WDFY3: variants seen among roughly 807,000 people sequenced by gnomAD.
WDFY3 encodes WD repeat and FYVE domain-containing protein 3.
WDFY3 carries 66 observed loss-of-function variants against 409.6 expected under a neutral mutation model. That is an observed-to-expected ratio of 0.16 (90% CI 0.13 to 0.20). WDFY3 has a LOEUF of 0.20. Among genes scored for constraint, WDFY3 ranks in the 10% least tolerant of loss-of-function variants. WDFY3 has a pLI of 1.00. For missense variants in WDFY3, 3,031 were observed against 4,298.1 expected, an observed-to-expected ratio of 0.71 and a Z score of 8.24; for synonymous variants, 1,521 against 1,537.1, an observed-to-expected ratio of 0.99 and a Z score of 0.25.
intron 2 of WDFY3, among the ~76,000 whole-genome samples, chr4:84,900,184 T>G (rs899957575): frequency 6.6e-6 from 1 of 152,166 alleles, no homozygotes; most frequent in Non-Finnish European, 1.5e-5. Flanking sequence ...AGCAAGTGAA[T>G]AGACACACAA....
intron 7 of WDFY3, among the ~76,000 whole-genome samples, chr4:84,834,006 T>C (rs1331417060): frequency 6.6e-6 from 1 of 152,208 alleles, no homozygotes; most frequent in Non-Finnish European, 1.5e-5. Flanking sequence ...TTAATATGTG[T>C]AATATGTCAT....
At chr4:84,963,194 C>G (rs1047121848) in intron 1 of WDFY3, among the ~76,000 whole-genome samples, 8 of 151,290 alleles carry the variant, frequency 5.3e-5, no homozygotes, top group African/African-American at 1.9e-4. Flanking sequence ...GAGACAGAGG[C>G]AGGCAGACCA....
intron 55 of WDFY3, among the ~76,000 whole-genome samples, chr4:84,702,957 G>A (rs1206928323): frequency 1.3e-5 from 2 of 152,058 alleles, no homozygotes; most frequent in African/African-American, 2.4e-5. Context: ...TTAGCCTGGC[G>A]AGGTGGCGGG....
At chr4:84,950,761 G>T (rs187213364) in intron 1 of WDFY3, among the ~76,000 whole-genome samples, 1 of 152,316 alleles carries the variant, frequency 6.6e-6, no homozygotes, top group East Asian at 1.9e-4. Flanking sequence ...CTGCACTCCA[G>T]CCTGGGCAAC....
intron 2 of WDFY3, among the ~76,000 whole-genome samples, chr4:84,915,633 A>C (rs1469614628): frequency 6.6e-6 from 1 of 152,166 alleles, no homozygotes; most frequent in Non-Finnish European, 1.5e-5. Flanking sequence ...CAGACTTGAG[A>C]TCTTTAGTTG....
chr4:84,735,784 T>C (rs1737339622), intron 42 of WDFY3, among the ~76,000 whole-genome samples: 1 of 152,306 alleles, frequency 6.6e-6, no homozygotes, highest in African/African-American at 2.4e-5. Context: ...TGGAGGCAGA[T>C]GAGCTTTTAA....
At chr4:84,802,083 G>C (rs1750679482) in intron 16 of WDFY3, among the ~76,000 whole-genome samples, 1 of 151,598 alleles carries the variant, frequency 6.6e-6, no homozygotes, top group Non-Finnish European at 1.5e-5. Flanking sequence ...AAGTAACTGG[G>C]ATAACAGGCG....
At chr4:84,712,033 A>G (rs1732989938) in intron 51 of WDFY3, among the ~76,000 whole-genome samples, 1 of 151,984 alleles carries the variant, frequency 6.6e-6, no homozygotes, top group East Asian at 1.9e-4. Context: ...TAAAATAATG[A>G]AGAATCATAG....
intron 62 of WDFY3, among the ~76,000 whole-genome samples, chr4:84,685,974 G>C (rs559385945): frequency 1.3e-5 from 2 of 152,298 alleles, no homozygotes; most frequent in African/African-American, 4.8e-5. Context: ...CCACATTTTT[G>C]TAAAGCTCTT....
rs547744756 is a variant in WDFY3, at chr4:84,869,324, T to C, written c.-31-8702A>G. Among the ~76,000 whole-genome samples the C allele has an allele frequency of 9.3e-5, 14 of 151,054 alleles. No homozygotes were observed. The South Asian group carries it at 2.9e-3, about 32-fold the overall frequency. ...CCTTTGACTTCTCCCAATTGTTCAA[T>C]AGAGGTGAGACTATATTTAATTCTC... On this transcript the variant is annotated intron_variant, in intron 3 of 67. Coordinates refer to ENST00000295888, the MANE Select transcript of WDFY3 (RefSeq NM_014991.6).
Position 84,788,225 on chromosome 4 carries a change from C to T in WDFY3, c.3670-512G>A, listed in dbSNP as rs564133796. ...AAGTTGCTTTTTCTTGCTGAAGCAG[C>T]TTAATGGGATGAAGGACACTTCCAT... On this transcript the variant is annotated intron_variant, in intron 22 of 67. Transcript: ENST00000295888. Among the ~76,000 whole-genome samples the T allele has an allele frequency of 7.9e-5, 12 of 152,216 alleles. No individual in the cohort carries two copies. In the East Asian group the frequency reaches 1.9e-3, roughly 25 times the overall value.
chr4:84,886,742 A>G (rs1764286373), intron 3 of WDFY3, among the ~76,000 whole-genome samples: 2 of 152,206 alleles, frequency 1.3e-5, no homozygotes, highest in Non-Finnish European at 2.9e-5. Context: ...TAATAGCAAA[A>G]TAAGTCTGAG....
chr4:84,728,576 C>A (rs1736047850), intron 44 of WDFY3, among the ~76,000 whole-genome samples: 1 of 152,058 alleles, frequency 6.6e-6, no homozygotes, highest in African/African-American at 2.4e-5. Context: ...AGATATGCAA[C>A]AAATAAGTAC....
chr4:84,785,672 G>T (rs1012345993), intron 24 of WDFY3, among the ~76,000 whole-genome samples: 1 of 152,158 alleles, frequency 6.6e-6, no homozygotes, highest in Non-Finnish European at 1.5e-5. Flanking sequence ...TCGTTAAAAA[G>T]TTGAGTTGTA....
At chr4:84,841,044 G>T in intron 6 of WDFY3, 110 bp downstream of exon 6, 1 of 867,628 alleles carries the variant, frequency 1.2e-6, no homozygotes, top group African/African-American at 1.7e-5. Context: ...GAATACAAAT[G>T]ATTATCATAG....
chr4:84,861,186 G>T (rs1760579453), intron 3 of WDFY3, among the ~76,000 whole-genome samples: 1 of 151,996 alleles, frequency 6.6e-6, no homozygotes, highest in African/African-American at 2.4e-5. Flanking sequence ...ATTTCAGCTT[G>T]GGTGACAGAG....
At chr4:84,679,590 C>G (rs574417490) in intron 64 of WDFY3, among the ~76,000 whole-genome samples, 1 of 152,196 alleles carries the variant, frequency 6.6e-6, no homozygotes, top group Admixed American at 6.5e-5. Context: ...ACCTGCTCCT[C>G]CAAAGGTGAG....
chr4:84,809,549 A>AT (rs1030656330), intron 14 of WDFY3: 1 of 193,766 alleles, frequency 5.2e-6, no homozygotes, highest in African/African-American at 2.4e-5. Flanking sequence ...TTGATAACAC[A>AT]TATCAATAAG....
At chr4:84,946,000 C>T (rs943844858) in intron 1 of WDFY3, among the ~76,000 whole-genome samples, 1 of 152,126 alleles carries the variant, frequency 6.6e-6, no homozygotes, top group Admixed American at 6.5e-5. Flanking sequence ...CTACTGCACA[C>T]CTGGGGCTAG....
Sources: allele counts gnomAD v4.1 joint callset (sites outside exome capture counted in the v4.1 genomes callset), GRCh38; gene constraint gnomAD v4.1.1; transcripts MANE v1.5; gene names NCBI Gene and HGNC (gene_info 2026-07-23, HGNC 2026-07-21).